Variants in ANKRD45 observed in about 807,000 individuals in gnomAD.
ANKRD45 encodes the protein ankyrin repeat domain 45.
A neutral mutation model predicts 28.1 loss-of-function variants in ANKRD45; 21 were observed. The ratio of observed to expected loss-of-function variants is 0.75; its 90% confidence interval spans 0.53 to 1.08. The LOEUF (loss-of-function observed/expected upper bound fraction) is 1.08. Ranked by LOEUF, ANKRD45 falls within the 50% of genes least tolerant of loss-of-function variation. The pLI, the probability that ANKRD45 is intolerant of heterozygous loss-of-function variation, is 0.00. For synonymous variants in ANKRD45, 86 were observed against 103.9 expected (o/e 0.83, Z 1.05); for missense variants, 261 against 308.7 (o/e 0.85, Z 1.16).
chr1:173,632,518 A>G (rs1289155224), intron 3 of ANKRD45, among the ~76,000 whole-genome samples: 2 of 151,470 alleles, frequency 1.3e-5, no homozygotes, highest in African/African-American at 4.8e-5. Flanking sequence ...AAAACCGGAC[A>G]AAGACACATC....
intron 3 of ANKRD45, among the ~76,000 whole-genome samples, chr1:173,628,434 T>G: frequency 6.6e-6 from 1 of 151,492 alleles, no homozygotes; most frequent in Admixed American, 6.6e-5. Context: ...TGCTGGGCAG[T>G]ATTCACCACA....
At chr1:173,638,307 G>A (rs1459781434) in intron 3 of ANKRD45, among the ~76,000 whole-genome samples, 2 of 152,160 alleles carry the variant, frequency 1.3e-5, no homozygotes, top group Non-Finnish European at 2.9e-5. Flanking sequence ...CCAGTCTGAA[G>A]AATCTGGGGG....
At chr1:173,632,210 AAT>A (rs1385981174) in intron 3 of ANKRD45, among the ~76,000 whole-genome samples, 1 of 152,014 alleles carries the variant, frequency 6.6e-6, no homozygotes, top group African/African-American at 2.4e-5. Context: ...ACTATGAGCA[AAT>A]ATATGTCAAT....
intron 3 of ANKRD45, chr1:173,636,686 T>C: frequency 1.5e-6 from 1 of 648,618 alleles, no homozygotes; most frequent in East Asian, 2.8e-5. Context: ...TTAGTATAAA[T>C]AATTGATGTG....
At chr1:173,621,830 T>C (rs971371730) in intron 5 of ANKRD45, among the ~76,000 whole-genome samples, 3 of 152,032 alleles carry the variant, frequency 2.0e-5, no homozygotes, top group Non-Finnish European at 1.5e-5. Context: ...GATAAACAAA[T>C]AAACAGTATT....
intron 2 of ANKRD45, among the ~76,000 whole-genome samples, chr1:173,656,377 C>T (rs1258414694): frequency 6.6e-6 from 1 of 152,128 alleles, no homozygotes; most frequent in Non-Finnish European, 1.5e-5. Flanking sequence ...GGATATTGGT[C>T]TTATGTTCAT....
intron 1 of ANKRD45, among the ~76,000 whole-genome samples, chr1:173,664,728 G>C (rs780381026): frequency 1.3e-5 from 2 of 152,100 alleles, no homozygotes; most frequent in Non-Finnish European, 2.9e-5. Flanking sequence ...ATCCAATTAG[G>C]TTGTAAACTT....
the ANKRD45 span, among the ~76,000 whole-genome samples, chr1:173,713,368 C>T: frequency 6.6e-6 from 1 of 152,120 alleles, no homozygotes; most frequent in African/African-American, 2.4e-5. Flanking sequence ...TGGGCTTAAG[C>T]CAAGATAACT....
chr1:173,709,965 C>T, the ANKRD45 span, among the ~76,000 whole-genome samples: 1 of 152,176 alleles, frequency 6.6e-6, no homozygotes, highest in Non-Finnish European at 1.5e-5. Flanking sequence ...CTTTCAATTA[C>T]CGCAATCGTA....
chr1:173,661,882 T>C (rs1331281806), intron 1 of ANKRD45, among the ~76,000 whole-genome samples: 1 of 151,934 alleles, frequency 6.6e-6, no homozygotes, highest in East Asian at 1.9e-4. Flanking sequence ...TCCAAGGAAA[T>C]AAACATGGTG....
intron 1 of ANKRD45, among the ~76,000 whole-genome samples, chr1:173,664,235 G>A (rs1244558634): frequency 6.6e-6 from 1 of 152,146 alleles, no homozygotes; most frequent in Non-Finnish European, 1.5e-5. Flanking sequence ...CGTTATAGCT[G>A]TTTTCCTGGT....
chr1:173,652,651 G>A (rs1005380812), intron 2 of ANKRD45, among the ~76,000 whole-genome samples: 1 of 152,144 alleles, frequency 6.6e-6, no homozygotes, highest in African/African-American at 2.4e-5. Context: ...CTATTGATTG[G>A]AATAGTTTCA....
upstream of ANKRD45, among the ~76,000 whole-genome samples, chr1:173,673,196 C>T (rs1303643164): frequency 6.6e-6 from 1 of 151,454 alleles, no homozygotes; most frequent in Admixed American, 6.6e-5. Flanking sequence ...CTGCAACCTC[C>T]GCCTCTTGGG....
chr1:173,659,074 G>C lies in ANKRD45; in HGVS notation c.328+17C>G. 6.2e-7 allele frequency: 1 copy of C among 1,609,248 alleles called. No individual in the cohort carries two copies. The highest frequency in any genetic ancestry group is 8.5e-7 in the Non-Finnish European group (1 of 1,177,424). On this transcript the variant is annotated intron_variant, in intron 2 of 5. Transcript: ENST00000333279. The stretch of plus-strand genomic sequence containing the variant: ...GTAGTCATAAGTAATACTGATGAGA[G>C]AAAAAAGACAAAATACCTCTGGTGG...
chr1:173,681,111 C>G, the ANKRD45 span, among the ~76,000 whole-genome samples: 1 of 151,680 alleles, frequency 6.6e-6, no homozygotes, highest in Non-Finnish European at 1.5e-5. Context: ...GCACGTGTAC[C>G]CCAGAAGTTA....
the ANKRD45 span, among the ~76,000 whole-genome samples, chr1:173,696,504 T>C: frequency 2.0e-5 from 3 of 152,212 alleles, no homozygotes; most frequent in Non-Finnish European, 2.9e-5. Context: ...TAGCCAGTTA[T>C]CCCAGTACCA....
rs1667976620 is a variant in ANKRD45 at position 173,627,177 on chromosome 1, AAC to A, written c.497-20_497-19del. ...CCTTGCATCTGAAAGAATGGACAGA[AAC>A]ACACACATGACAAGACAAACACAAG... On this transcript the variant is annotated intron_variant, in intron 3 of 5. Transcript: ENST00000333279. 2.6e-6 allele frequency: 4 copies of A among 1,524,616 alleles called. No homozygotes were observed. The highest frequency in any genetic ancestry group is 2.7e-6 in the Non-Finnish European group (3 of 1,101,922). The allele number at this position is 1,524,616 out of a possible 1,614,324, so 94.4% of individuals were successfully genotyped here. A position where few individuals can be genotyped will look rare whatever the true frequency, so the allele number is the denominator to read the frequency against.
At chr1:173,674,793 G>A (rs1670358015), upstream of ANKRD45, among the ~76,000 whole-genome samples, 1 of 152,180 alleles carries the variant, frequency 6.6e-6, no homozygotes, top group Non-Finnish European at 1.5e-5. Flanking sequence ...GCAGTTCCCA[G>A]CTTGACTTTT....
At position 173,609,486 on chromosome 1, in the gene ANKRD45, G is replaced by C. The variant is rs1667054727; in HGVS notation, c.*659C>G. The C allele has an allele frequency of 6.6e-6, 1 of 152,142 alleles. No individual in the cohort carries two copies. The allele number at this position is 152,142 out of a possible 1,614,324, so 9.4% of individuals were successfully genotyped here. ...CTTAAAACCTAGGAAATATAAAACA[G>C]AATGGGAGGGGAAATGGTCTTCAGT... On this transcript the variant is annotated 3_prime_UTR_variant, in exon 6 of 6. Coordinates refer to ENST00000333279, the MANE Select transcript of ANKRD45 (RefSeq NM_198493.3).
Sources: gnomAD v4.1 joint callset for allele counts (sites outside exome capture counted in the v4.1 genomes callset) on GRCh38, gnomAD v4.1.1 for gene constraint, MANE v1.5 for transcripts, NCBI Gene and HGNC (gene_info 2026-07-23, HGNC 2026-07-21) for gene names.